Variants in HEXA observed in about 807,000 individuals in gnomAD.
HEXA encodes the protein beta-hexosaminidase subunit alpha.
Under a neutral mutation model 73.3 loss-of-function variants are expected in HEXA, and 54 were observed. That is an observed-to-expected ratio of 0.74 (90% CI 0.59 to 0.92). The LOEUF is 0.92. HEXA is among the 40% of genes least tolerant of loss of function. The probability of loss-of-function intolerance (pLI) is 0.00; values close to 1 mark genes in which losing one functional copy is unlikely to be tolerated. For missense variants in HEXA, 649 were observed against 653.0 expected (o/e 0.99, Z 0.07); for synonymous variants, 230 against 246.9 (o/e 0.93, Z 0.64).
At chr15:72,356,438 G>C in intron 2 of HEXA, 87 bp downstream of exon 2, 1 of 1,432,994 alleles carries the variant, frequency 7.0e-7, no homozygotes, top group Non-Finnish European at 9.7e-7. Context: ...TCCAGGCCGA[G>C]CATCAGCAGT....
At chr15:72,350,948 C>A in intron 6 of HEXA, 185 bp downstream of exon 6, 1 of 659,212 alleles carries the variant, frequency 1.5e-6, no homozygotes. Context: ...CTGAAGGTCA[C>A]AAGGCAAATT....
chr15:72,350,909 A>G (rs993659086), intron 6 of HEXA: 6 of 623,198 alleles, frequency 9.6e-6, no homozygotes, highest in African/African-American at 1.8e-5. Context: ...AATACATAAA[A>G]AGGGAATAAG....
intron 8 of HEXA, among the ~76,000 whole-genome samples, 189 bp downstream of exon 8, chr15:72,348,890 A>G (rs1225734466): frequency 6.6e-6 from 1 of 152,216 alleles, no homozygotes; most frequent in African/African-American, 2.4e-5. Flanking sequence ...AGAGGTTCAC[A>G]GTGAAAGCCT....
chr15:72,372,326 G>A (rs1253296027), intron 1 of HEXA, among the ~76,000 whole-genome samples: 1 of 143,950 alleles, frequency 6.9e-6, no homozygotes, highest in Non-Finnish European at 1.5e-5. Flanking sequence ...TCCAGCCTGG[G>A]CAACAGAGCA....
intron 5 of HEXA, chr15:72,351,462 T>C: frequency 1.7e-6 from 1 of 600,334 alleles, no homozygotes; most frequent in Non-Finnish European, 3.0e-6. Context: ...CATCCAAAGA[T>C]GGATGATAGA....
chr15:72,365,820 G>A (rs1463529030), intron 1 of HEXA, among the ~76,000 whole-genome samples: 1 of 152,068 alleles, frequency 6.6e-6, no homozygotes, highest in Admixed American at 6.5e-5. Context: ...ATGCTTGCTT[G>A]TCTCTGGAAT....
In HEXA at chr15:72,349,049, G is replaced by T. The variant is rs139981419; in HGVS notation, c.986+30C>A. 3.8e-6 allele frequency: 6 copies of T among 1,584,638 alleles called. No homozygotes were observed. In the African/African-American group the frequency reaches 4.0e-5, roughly 11 times the overall value. ...CTATTCTGAGTAAGCAACTGATCAG[G>T]CCACAGTGGGAAGATCAAAGGGCTC... On this transcript the variant is annotated intron_variant, in intron 8 of 13. Transcript: ENST00000268097.
At chr15:72,357,019 G>T (rs940704722) in intron 1 of HEXA, 2 of 334,868 alleles carry the variant, frequency 6.0e-6, no homozygotes, top group Non-Finnish European at 5.9e-6. Flanking sequence ...TTACTGGCTG[G>T]TCACTATATA....
At chr15:72,344,688 C>T (rs2088587258) in intron 13 of HEXA, among the ~76,000 whole-genome samples, 1 of 152,140 alleles carries the variant, frequency 6.6e-6, no homozygotes, top group African/African-American at 2.4e-5. Context: ...GCTTAGAGAA[C>T]CAGCTGGAAG....
rs2912218 is a variant in HEXA, at chr15:72,345,367, T to C, written c.1526+79A>G. 6,018 of 1,591,562 alleles carry C rather than the reference T, an allele frequency of 3.8e-3. 144 individuals are homozygous for C. The African/African-American group carries it at 0.06, about 16-fold the overall frequency. The stretch of plus-strand genomic sequence containing the variant: ...TGTAAGTGTTAGCTATTGTTAATTA[T>C]TGTCTTCCTCTCTCTAAGGGGTTCC... On this transcript the variant is annotated intron_variant, in intron 13 of 13. Coordinates refer to ENST00000268097, the MANE Select transcript of HEXA (RefSeq NM_000520.6).
chr15:72,359,974 T>C (rs1200863524), intron 1 of HEXA: 7 of 152,174 alleles, frequency 4.6e-5, no homozygotes, highest in Non-Finnish European at 1.0e-4. Flanking sequence ...CTGTTGAACC[T>C]TCTCCAGACT....
chr15:72,374,793 T>C (rs2089037556), intron 1 of HEXA, among the ~76,000 whole-genome samples: 2 of 152,222 alleles, frequency 1.3e-5, no homozygotes, highest in Admixed American at 6.5e-5. Flanking sequence ...TTCCATTTTA[T>C]GTGAAACCAA....
At chr15:72,373,654 C>T (rs1004613755) in intron 1 of HEXA, among the ~76,000 whole-genome samples, 1 of 152,112 alleles carries the variant, frequency 6.6e-6, no homozygotes, top group Non-Finnish European at 1.5e-5. Context: ...TTTCTATCTA[C>T]TTGATTAAAC....
intron 7 of HEXA, among the ~76,000 whole-genome samples, chr15:72,349,823 G>A (rs1279804046): frequency 1.3e-5 from 2 of 152,162 alleles, no homozygotes; most frequent in African/African-American, 4.8e-5. Flanking sequence ...GAGTACAGTG[G>A]CATGATCTTG....
At position 72,351,331 on chromosome 15, in the gene HEXA, C is replaced by A. The variant is rs1385096094; in HGVS notation, c.571-97G>T. ...GCGAGCTCTCAGGCCGCTCCACACA[C>A]CCCTACAGGCTTGACCTGCCTCAGC... is the stretch of plus-strand genomic sequence containing the variant. On this transcript the variant is annotated intron_variant, in intron 5 of 13. Coordinates refer to ENST00000268097, the MANE Select transcript of HEXA (RefSeq NM_000520.6). 7.6e-6 allele frequency: 6 copies of A among 794,430 alleles called. No homozygotes were observed. In the Admixed American group the frequency reaches 9.1e-5, roughly 12 times the overall value. 49.2% of individuals were successfully genotyped at this position (794,430 alleles called of 1,614,324 possible).
intron 7 of HEXA, among the ~76,000 whole-genome samples, chr15:72,350,059 C>T (rs556170239): frequency 5.3e-5 from 8 of 152,274 alleles, no homozygotes; most frequent in South Asian, 2.1e-4. Flanking sequence ...CCACCACGCC[C>T]GGCCAATATC....
At chr15:72,355,482 G>A (rs2088763388) in intron 3 of HEXA, 77 bp downstream of exon 3, 12 of 990,302 alleles carry the variant, frequency 1.2e-5, no homozygotes, top group Non-Finnish European at 3.3e-6. Flanking sequence ...GCAGGGACTG[G>A]GCCACTGCAC....
In HEXA at chr15:72,375,821, C is replaced by T; in HGVS notation, c.152G>A (p.Ser51Asn). The change falls in exon 1 of 14, where the codon AGC becomes AAC. Residue 51 changes from serine to asparagine, a missense_variant. Physicochemically the swap from Ser to Asn is conservative, Grantham distance 46. Coordinates refer to ENST00000268097, the MANE Select transcript of HEXA (RefSeq NM_000520.6). ...TGAGCAGCCGGGCTGCGCGGCCGAG[C>T]TGACATCGTACTGGAATTGAAAGTT... ...PNNFQFQYDVSSAAQPGCSVL... is the reference protein window; with the variant it reads ...PNNFQFQYDVNSAAQPGCSVL... The T allele has an allele frequency of 6.2e-7, 1 of 1,614,272 alleles. No homozygotes were observed. Among genetic ancestry groups the T allele is most frequent in the Non-Finnish European group, 8.5e-7 (1 of 1,180,052 alleles).
At chr15:72,375,600 G>C in intron 1 of HEXA, 120 bp downstream of exon 1, 2 of 1,047,628 alleles carry the variant, frequency 1.9e-6, no homozygotes, top group Non-Finnish European at 2.8e-6. Context: ...GGAGGAAGTG[G>C]AGTGCCTGTG....
Sources: allele counts gnomAD v4.1 joint callset (sites outside exome capture counted in the v4.1 genomes callset), GRCh38; gene constraint gnomAD v4.1.1; transcripts MANE v1.5; gene names NCBI Gene and HGNC (gene_info 2026-07-23, HGNC 2026-07-21).